Variants in MGAT4C observed in about 807,000 individuals in gnomAD.
MGAT4C encodes alpha-1,3-mannosyl-glycoprotein 4-beta-N-acetylglucosaminyltransferase C.
Under a neutral mutation model 40.1 loss-of-function variants are expected in MGAT4C, and 19 were observed. The observed-to-expected ratio is 0.47, with a 90% CI of 0.33 to 0.70. MGAT4C has a LOEUF of 0.70. MGAT4C is among the 30% of genes least tolerant of loss of function. MGAT4C has a pLI of 0.02. For missense variants in MGAT4C, 491 were observed against 563.2 expected, an observed-to-expected ratio of 0.87 and a Z score of 1.30; for synonymous variants, 181 against 187.1, an observed-to-expected ratio of 0.97 and a Z score of 0.27.
At chr12:86,803,370 C>T (rs1952272228) in intron 1 of MGAT4C, among the ~76,000 whole-genome samples, 1 of 151,802 alleles carries the variant, frequency 6.6e-6, no homozygotes, top group African/African-American at 2.4e-5. Flanking sequence ...GACTTCATGT[C>T]TAAAACACCA....
At chr12:86,149,917 T>C (rs543678894) in intron 1 of MGAT4C, among the ~76,000 whole-genome samples, 13 of 152,218 alleles carry the variant, frequency 8.5e-5, no homozygotes, top group Non-Finnish European at 1.3e-4. Context: ...ATTTCTTTCT[T>C]GAATTATCCT....
chr12:86,717,408 C>T (rs564276463), intron 2 of MGAT4C, among the ~76,000 whole-genome samples: 1 of 152,022 alleles, frequency 6.6e-6, no homozygotes, highest in Non-Finnish European at 1.5e-5. Flanking sequence ...CCCTTTGTTC[C>T]TTTTCCATGA....
At chr12:86,219,178 CAAAAAAAG>C (rs1036459459) in intron 1 of MGAT4C, among the ~76,000 whole-genome samples, 38 of 150,978 alleles carry the variant, frequency 2.5e-4, no homozygotes, top group African/African-American at 9.0e-4. Flanking sequence ...GACTCCATCT[CAAAAAAAG>C]AAAAAAAGAA....
chr12:86,702,465 C>T (rs1593130968), intron 2 of MGAT4C, among the ~76,000 whole-genome samples: 2 of 152,170 alleles, frequency 1.3e-5, no homozygotes, highest in Admixed American at 1.3e-4. Context: ...GCTGGGCTGA[C>T]TCTCTTGTTA....
At chr12:86,249,970 C>T (rs1220241493) in intron 1 of MGAT4C, among the ~76,000 whole-genome samples, 1 of 152,046 alleles carries the variant, frequency 6.6e-6, no homozygotes, top group Non-Finnish European at 1.5e-5. Flanking sequence ...TTATTTCCAA[C>T]TTTGTGTTGG....
At chr12:86,144,738 T>G (rs781196685) in intron 1 of MGAT4C, among the ~76,000 whole-genome samples, 4 of 152,292 alleles carry the variant, frequency 2.6e-5, no homozygotes, top group Non-Finnish European at 5.9e-5. Flanking sequence ...ACAAGAGACT[T>G]TATGTTTTAA....
intron 1 of MGAT4C, among the ~76,000 whole-genome samples, chr12:86,245,432 C>T (rs942834128): frequency 2.0e-5 from 3 of 152,174 alleles, no homozygotes; most frequent in African/African-American, 7.2e-5. Context: ...GTTCTGCCTC[C>T]TTTTTTGAAC....
At chr12:86,435,188 C>T (rs1468028232) in exon 3 of MGAT4C, 2 of 151,920 alleles carry the variant, frequency 1.3e-5, no homozygotes, top group Non-Finnish European at 2.9e-5. Flanking sequence ...CTTGCTATAG[C>T]GTTTTCTGCA....
intron 1 of MGAT4C, among the ~76,000 whole-genome samples, chr12:86,777,012 C>T (rs561972505): frequency 6.6e-5 from 10 of 152,072 alleles, no homozygotes; most frequent in Non-Finnish European, 1.5e-4. Context: ...CTAGGACTTA[C>T]CCACTTCTTC....
At chr12:86,096,955 C>A (rs1874044560) in intron 1 of MGAT4C, among the ~76,000 whole-genome samples, 1 of 151,428 alleles carries the variant, frequency 6.6e-6, no homozygotes, top group African/African-American at 2.4e-5. Flanking sequence ...TAGTTCATTT[C>A]TTTTGCTACT....
intron 4 of MGAT4C, among the ~76,000 whole-genome samples, chr12:86,323,720 A>C (rs1311166337): frequency 2.0e-5 from 3 of 151,944 alleles, no homozygotes; most frequent in African/African-American, 7.2e-5. Flanking sequence ...AATCAAAATT[A>C]TTTTAAAATA....
At chr12:86,273,041 G>T (rs1184928531) in intron 4 of MGAT4C, among the ~76,000 whole-genome samples, 1 of 152,038 alleles carries the variant, frequency 6.6e-6, no homozygotes, top group African/African-American at 2.4e-5. Context: ...AAAAAAAATA[G>T]GAGACTTTTT....
At chr12:86,698,517 T>A (rs1022803223) in intron 2 of MGAT4C, among the ~76,000 whole-genome samples, 1 of 152,060 alleles carries the variant, frequency 6.6e-6, no homozygotes, top group African/African-American at 2.4e-5. Flanking sequence ...TGTAATGCAA[T>A]CTCTTTACAT....
rs575950240 is a variant in MGAT4C, at chr12:85,961,894, T to C, written c.*17395A>G. On this transcript the variant is annotated 3_prime_UTR_variant, in exon 5 of 5. Coordinates refer to ENST00000611864, the MANE Select transcript of MGAT4C (RefSeq NM_001351288.2). ...ATTCTGTGACGATGGAACTTAATGATGTAAGAGTTAATTACCCATTGTCAA... is the reference window on the plus strand; with the variant it reads ...ATTCTGTGACGATGGAACTTAATGACGTAAGAGTTAATTACCCATTGTCAA... 6.6e-6 allele frequency: 1 copy of C among 151,998 alleles called. No individual in the cohort carries two copies. The highest frequency in any genetic ancestry group is 1.9e-4 in the East Asian group (1 of 5,182). 9.4% of individuals were successfully genotyped at this position (151,998 alleles called of 1,614,324 possible).
rs80004487 is a variant in MGAT4C at position 86,525,604 on chromosome 12, G to C, written c.-228-90339C>G. The stretch of plus-strand genomic sequence containing the variant: ...TCAATCTTTGAAGTTGCTGACCTTT[G>C]CATGTTTTTTTCTTTTTTAATCGTA... On this transcript the variant is annotated intron_variant, in intron 2 of 7. Transcript: ENST00000548651. Among the ~76,000 whole-genome samples, 889 of 152,224 alleles carry C rather than the reference G, an allele frequency of 5.8e-3. 5 individuals are homozygous for C. The highest frequency in any genetic ancestry group is 0.01 in the Middle Eastern group (3 of 294).
intron 2 of MGAT4C, among the ~76,000 whole-genome samples, chr12:86,539,917 A>G (rs1300966558): frequency 6.6e-6 from 1 of 152,110 alleles, no homozygotes; most frequent in East Asian, 1.9e-4. Context: ...TAGTTCCAGT[A>G]TTAGCCCTTT....
chr12:86,178,391 T>A (rs1283194702), intron 1 of MGAT4C, among the ~76,000 whole-genome samples: 1 of 152,232 alleles, frequency 6.6e-6, no homozygotes, highest in Non-Finnish European at 1.5e-5. Flanking sequence ...ATCTCTATGT[T>A]CCTTGACCGA....
chr12:86,528,677 T>C (rs1043148965), intron 2 of MGAT4C, among the ~76,000 whole-genome samples: 1 of 152,082 alleles, frequency 6.6e-6, no homozygotes. Context: ...TGTGTTTCTG[T>C]TTTAGAAAAA....
chr12:86,792,968 G>A (rs373529729), intron 1 of MGAT4C, among the ~76,000 whole-genome samples: 1 of 151,970 alleles, frequency 6.6e-6, no homozygotes, highest in African/African-American at 2.4e-5. Flanking sequence ...CATCCTTTTG[G>A]CTAAAATTTA....
Sources: gnomAD v4.1 joint callset for allele counts (sites outside exome capture counted in the v4.1 genomes callset) on GRCh38, gnomAD v4.1.1 for gene constraint, MANE v1.5 for transcripts, NCBI Gene and HGNC (gene_info 2026-07-23, HGNC 2026-07-21) for gene names.